Variants in WWOX observed in about 807,000 individuals in gnomAD.
The protein encoded by WWOX is WW domain-containing oxidoreductase.
A neutral mutation model predicts 46.2 loss-of-function variants in WWOX; 69 were observed. The ratio of observed to expected loss-of-function variants is 1.49; its 90% CI spans 1.23 to 1.82. The LOEUF is 1.82. WWOX is among the 40% of genes most tolerant of loss of function. The pLI is 0.00. For synonymous variants in WWOX, 359 were observed against 202.6 expected (o/e 1.77, Z -6.56); for missense variants, 919 against 542.6 (o/e 1.69, Z -6.89).
intron 8 of WWOX, among the ~76,000 whole-genome samples, chr16:78,767,012 A>T (rs539015864): frequency 3.3e-4 from 50 of 152,178 alleles, no homozygotes; most frequent in African/African-American, 1.2e-3. Context: ...TTCAAGGTCA[A>T]TCCATATTGT....
chr16:78,595,655 C>A (rs532365032), intron 8 of WWOX, among the ~76,000 whole-genome samples: 1 of 152,202 alleles, frequency 6.6e-6, no homozygotes, highest in Non-Finnish European at 1.5e-5. Context: ...GATGATGAGC[C>A]ATACTCAGAG....
At chr16:78,302,623 A>G (rs2080061465) in intron 5 of WWOX, among the ~76,000 whole-genome samples, 1 of 152,190 alleles carries the variant, frequency 6.6e-6, no homozygotes, top group African/African-American at 2.4e-5. Flanking sequence ...TTGGAAGAGG[A>G]GGTAACAATT....
intron 8 of WWOX, among the ~76,000 whole-genome samples, chr16:78,900,880 T>G (rs1389514154): frequency 6.6e-6 from 1 of 151,912 alleles, no homozygotes; most frequent in African/African-American, 2.4e-5. Flanking sequence ...TAGTTGATAT[T>G]GTGGGAGATG....
intron 8 of WWOX, among the ~76,000 whole-genome samples, chr16:78,869,303 G>A (rs959990699): frequency 5.3e-5 from 8 of 152,136 alleles, no homozygotes; most frequent in East Asian, 3.9e-4. Flanking sequence ...AGGAAAGTCC[G>A]AGAGTTGGTT....
At chr16:78,156,149 C>T (rs149258793) in intron 4 of WWOX, among the ~76,000 whole-genome samples, 31 of 152,148 alleles carry the variant, frequency 2.0e-4, no homozygotes, top group African/African-American at 6.0e-4. Context: ...ATGGCTTACC[C>T]GTAACTACAG....
At chr16:78,125,600 G>A (rs575214673) in intron 4 of WWOX, among the ~76,000 whole-genome samples, 11 of 152,244 alleles carry the variant, frequency 7.2e-5, no homozygotes, top group African/African-American at 2.2e-4. Context: ...GGTGGTTCAC[G>A]CCTGTAAACC....
intron 8 of WWOX, among the ~76,000 whole-genome samples, chr16:78,855,768 GC>G (rs1422029753): frequency 6.6e-6 from 1 of 152,168 alleles, no homozygotes; most frequent in Non-Finnish European, 1.5e-5. Context: ...CTTCCCTCAT[GC>G]TGTGTGGATC....
intron 8 of WWOX, among the ~76,000 whole-genome samples, chr16:78,964,554 A>G (rs1018493451): frequency 6.6e-6 from 1 of 152,240 alleles, no homozygotes; most frequent in Non-Finnish European, 1.5e-5. Flanking sequence ...TCAGTTTTAT[A>G]AAAGAAGCAG....
At chr16:79,151,958 C>T (rs566200723) in intron 8 of WWOX, among the ~76,000 whole-genome samples, 1 of 152,130 alleles carries the variant, frequency 6.6e-6, no homozygotes, top group Non-Finnish European at 1.5e-5. Flanking sequence ...GGCTCTGAGT[C>T]TTTAAAAGGC....
intron 8 of WWOX, among the ~76,000 whole-genome samples, chr16:78,866,270 C>T (rs560437179): frequency 2.0e-5 from 3 of 152,144 alleles, no homozygotes; most frequent in South Asian, 4.2e-4. Flanking sequence ...CGCTGTGCCA[C>T]CAGGATTTTC....
At chr16:78,639,981 G>A (rs983832417) in intron 8 of WWOX, among the ~76,000 whole-genome samples, 2 of 152,176 alleles carry the variant, frequency 1.3e-5, no homozygotes, top group African/African-American at 4.8e-5. Flanking sequence ...TTTCCTTTTT[G>A]AATCCCACAC....
At chr16:78,360,540 A>G (rs1028628647) in intron 5 of WWOX, among the ~76,000 whole-genome samples, 1 of 143,304 alleles carries the variant, frequency 7.0e-6, no homozygotes. Context: ...AGCCAAGCGG[A>G]GTGCCACTGC....
intron 8 of WWOX, among the ~76,000 whole-genome samples, chr16:78,492,281 G>T (rs900436173): frequency 6.6e-6 from 1 of 152,186 alleles, no homozygotes; most frequent in African/African-American, 2.4e-5. Context: ...GAAGGCGGGT[G>T]TGTATGTGCA....
chr16:78,192,133 C>T (rs2035900819), intron 5 of WWOX, among the ~76,000 whole-genome samples: 1 of 152,036 alleles, frequency 6.6e-6, no homozygotes. Context: ...CAGCATAATG[C>T]AATATACTCA....
chr16:78,634,811 G>GGAGAGA (rs541433739), intron 8 of WWOX, among the ~76,000 whole-genome samples: 2,220 of 127,626 alleles, frequency 0.017, 19 homozygotes, highest in African/African-American at 0.021. Context: ...GCACCCGACT[G>GGAGAGA]GAGAGAGAGA....
Position 78,870,562 on chromosome 16 carries a change from C to T in WWOX, c.1057-341046C>T, listed in dbSNP as rs184574340. On this transcript the variant is annotated intron_variant, in intron 8 of 8. Coordinates refer to ENST00000566780, the MANE Select transcript of WWOX (RefSeq NM_016373.4). ...TAAATATGTAATTCTTCCTCCTCTT[C>T]TCCCCTTGTCTCTCTTCTCACCCCT... 7.9e-5 allele frequency among the ~76,000 whole-genome samples: 12 copies of T among 151,950 alleles called. No individual in the cohort carries two copies. The East Asian group carries it at 2.3e-3, about 29-fold the overall frequency.
chr16:78,171,590 T>C (rs1326396092), intron 5 of WWOX, among the ~76,000 whole-genome samples: 2 of 152,140 alleles, frequency 1.3e-5, no homozygotes, highest in East Asian at 3.8e-4. Context: ...ACAGGGCTTA[T>C]CTCCATTGTT....
At chr16:78,757,246 C>T (rs913933306) in intron 8 of WWOX, among the ~76,000 whole-genome samples, 1 of 152,226 alleles carries the variant, frequency 6.6e-6, no homozygotes, top group Admixed American at 6.5e-5. Context: ...CAGTGGATAA[C>T]TGCCCATTCA....
chr16:78,134,360 C>T (rs568476419), intron 4 of WWOX, among the ~76,000 whole-genome samples: 29 of 151,722 alleles, frequency 1.9e-4, no homozygotes, highest in African/African-American at 5.1e-4. Flanking sequence ...TTTTTGGGTG[C>T]AGTGAATACT....
Sources: gnomAD v4.1 joint callset for allele counts (sites outside exome capture counted in the v4.1 genomes callset) on GRCh38, gnomAD v4.1.1 for gene constraint, MANE v1.5 for transcripts, NCBI Gene and HGNC (gene_info 2026-07-23, HGNC 2026-07-21) for gene names.